KCNA4: variants seen among roughly 807,000 people sequenced by gnomAD.
The protein encoded by KCNA4 is cardiac potassium channel.
A neutral mutation model predicts 37.2 loss-of-function variants in KCNA4; 5 were observed. The ratio of observed to expected loss-of-function variants is 0.13; its 90% CI spans 0.07 to 0.28. The LOEUF is 0.28. KCNA4 is among the 10% of genes least tolerant of loss of function. The pLI, the probability that KCNA4 is intolerant of heterozygous loss-of-function variation, is 1.00. For missense variants in KCNA4, 634 were observed against 817.4 expected (o/e 0.78, Z 2.74); for synonymous variants, 350 against 311.8 (o/e 1.12, Z -1.29).
chr11:30,012,824 T>C lies in KCNA4; in HGVS notation c.-146A>G, dbSNP rs1412886438. 65 of 1,250,382 alleles carry C rather than the reference T, an allele frequency of 5.2e-5. No individual in the cohort carries two copies. Among genetic ancestry groups the C allele is most frequent in the Non-Finnish European group, 6.6e-5 (62 of 932,844 alleles). The allele number at this position is 1,250,382 out of a possible 1,614,324, so 77.5% of individuals were successfully genotyped here. Reference sequence around the variant, plus strand: ...ACTAAGGATATTTTCAGTCCAACTTTGCATTTTCTGTTTTTAAATCAGCAC... The same window carrying C: ...ACTAAGGATATTTTCAGTCCAACTTCGCATTTTCTGTTTTTAAATCAGCAC... On this transcript the variant is annotated 5_prime_UTR_variant, in exon 2 of 2. Transcript: ENST00000328224.
Position 30,011,641 on chromosome 11 carries a change from C to T in KCNA4, c.1038G>A (p.Gly346=). ...RDLVMALSAG[G]HGGLLNDTSA... ...AAGTATCATTCAACAACCCACCATG[C>T]CCGCCAGCACTCAGTGCCATGACGA... is the stretch of plus-strand genomic sequence containing the variant. The change falls in exon 2 of 2, where the codon GGG becomes GGA. Residue 346 remains glycine (G), a synonymous_variant. Coordinates refer to ENST00000328224, the MANE Select transcript of KCNA4 (RefSeq NM_002233.4). The surrounding 1 kb of genome is among the most constrained non-coding windows in gnomAD (Gnocchi z 5.6). 2 of 1,614,030 alleles carry T rather than the reference C, an allele frequency of 1.2e-6. No homozygotes were observed. Among genetic ancestry groups the T allele is most frequent in the Non-Finnish European group, 1.7e-6 (2 of 1,179,992 alleles).
At position 30,016,667 on chromosome 11, in the gene KCNA4, G is replaced by T; in HGVS notation, c.-878C>A. 1 of 274,650 alleles carries T rather than the reference G, an allele frequency of 3.6e-6. No individual in the cohort carries two copies. Among genetic ancestry groups the T allele is most frequent in the Non-Finnish European group, 6.5e-6 (1 of 154,030 alleles). 17.0% of individuals were successfully genotyped at this position (274,650 alleles called of 1,614,324 possible). On this transcript the variant is annotated 5_prime_UTR_variant, in exon 1 of 2. Coordinates refer to ENST00000328224, the MANE Select transcript of KCNA4 (RefSeq NM_002233.4). ...GCAACAGCTGGAGGAGGGGAAGAAT[G>T]ATCCTGGGTGGGGGGCGGGGGGTGG...
Position 30,016,854 on chromosome 11 carries a change from G to T in KCNA4, c.-1065C>A, listed in dbSNP as rs1850357486. On this transcript the variant is annotated 5_prime_UTR_variant, in exon 1 of 2. Coordinates refer to ENST00000328224, the MANE Select transcript of KCNA4 (RefSeq NM_002233.4). ...CCCCAAGACTCCTGGTTCCTCTGGA[G>T]TTCAGCACAGGAGGGATTGCCTGGG... is the stretch of plus-strand genomic sequence containing the variant. 4 of 397,934 alleles carry T rather than the reference G, an allele frequency of 1.0e-5. No homozygotes were observed. The highest frequency in any genetic ancestry group is 1.8e-5 in the Non-Finnish European group (4 of 225,780). 24.7% of individuals were successfully genotyped at this position (397,934 alleles called of 1,614,324 possible).
chr11:30,011,038 C>T lies in KCNA4; in HGVS notation c.1641G>A (p.Ala547=), dbSNP rs368797575. 68 of 1,614,048 alleles carry T rather than the reference C, an allele frequency of 4.2e-5. No individual in the cohort carries two copies. The highest frequency in any genetic ancestry group is 2.2e-4 in the East Asian group (10 of 44,896). Residue 547 remains alanine (A), a synonymous_variant, in exon 2 of 2, where the codon GCG becomes GCA. Transcript: ENST00000328224. The surrounding 1 kb of genome is among the most constrained non-coding windows in gnomAD (Gnocchi z 5.6). ...GKIVGSLCAI[A]GVLTIALPVP... is the part of the protein sequence containing the mutation. ...CTGGCAAAGCAATGGTTAAGACACC[C>T]GCAATGGCACACAGGGACCCGACAA...
At chr11:30,013,746 C>T (rs187758714) in intron 1 of KCNA4, among the ~76,000 whole-genome samples, 166 of 152,302 alleles carry the variant, frequency 1.1e-3, no homozygotes, top group African/African-American at 3.8e-3. Flanking sequence ...CTTCTATCTT[C>T]CCCTTCACCA....
At position 30,010,596 on chromosome 11, in the gene KCNA4, TTAAA is replaced by T. The variant is rs1207817458; in HGVS notation, c.*117_*120del. The T allele has an allele frequency of 2.4e-5, 33 of 1,393,762 alleles. No homozygotes were observed. Among genetic ancestry groups the T allele is most frequent in the Non-Finnish European group, 3.1e-5 (32 of 1,048,550 alleles). The allele number at this position is 1,393,762 out of a possible 1,614,324, so 86.3% of individuals were successfully genotyped here. A position where few individuals can be genotyped will look rare whatever the true frequency, so the allele number is the denominator to read the frequency against. ...GTAACAATTATGCCATGTATAACCATTAAATAGTGTACTACTGTATGCATTGGAT... is the reference window on the plus strand; with the variant it reads ...GTAACAATTATGCCATGTATAACCATTAGTGTACTACTGTATGCATTGGAT... On this transcript the variant is annotated 3_prime_UTR_variant, in exon 2 of 2. Coordinates refer to ENST00000328224, the MANE Select transcript of KCNA4 (RefSeq NM_002233.4).
At chr11:30,015,248 G>A (rs1209504179) in intron 1 of KCNA4, among the ~76,000 whole-genome samples, 1 of 152,036 alleles carries the variant, frequency 6.6e-6, no homozygotes, top group Non-Finnish European at 1.5e-5. Context: ...AACCATCCTG[G>A]GGTGACATTC....
intron 1 of KCNA4, 38 bp downstream of exon 1, chr11:30,016,534 C>CAAAAAA (rs139673634): frequency 1.1e-4 from 7 of 62,326 alleles, no homozygotes; most frequent in Admixed American, 1.8e-4. Flanking sequence ...AGGAAAGATA[C>CAAAAAA]AAAAAAAAAA....
rs776650171 is a variant in KCNA4 at position 30,011,044 on chromosome 11, G to A, written c.1635C>T (p.Ala545=). The A allele has an allele frequency of 6.2e-7, 1 of 1,614,182 alleles. No homozygotes were observed. Among genetic ancestry groups the A allele is most frequent in the Non-Finnish European group, 8.5e-7 (1 of 1,180,042 alleles). ...AAGCAATGGTTAAGACACCCGCAATGGCACACAGGGACCCGACAATCTTGC... is the reference window on the plus strand; with the variant it reads ...AAGCAATGGTTAAGACACCCGCAATAGCACACAGGGACCCGACAATCTTGC... ...VGGKIVGSLC[A]IAGVLTIALP... Residue 545 remains alanine, a synonymous_variant, in exon 2 of 2, where the codon GCC becomes GCT. Transcript: ENST00000328224. The surrounding 1 kb of genome is among the most constrained non-coding windows in gnomAD (Gnocchi z 5.6).
rs775973259 is a variant in KCNA4 at position 30,011,575 on chromosome 11, A to G, written c.1104T>C (p.Asn368=). Residue 368 remains asparagine (N), a synonymous_variant, in exon 2 of 2, where the codon AAT becomes AAC. Transcript: ENST00000328224. The surrounding 1 kb of genome is among the most constrained non-coding windows in gnomAD (Gnocchi z 5.6). ...CTGTTTCCACGATGAAGAAGGGGTC[A>G]TTGAATATTGTGTGCCCTGAGTTCT... is the stretch of plus-strand genomic sequence containing the variant. ...HLENSGHTIF[N]DPFFIVETVC... is the part of the protein sequence containing the mutation. 6 of 1,614,056 alleles carry G rather than the reference A, an allele frequency of 3.7e-6. No homozygotes were observed. The African/African-American group carries it at 5.3e-5, about 14-fold the overall frequency.
At chr11:30,014,181 C>A (rs1472257525) in intron 1 of KCNA4, among the ~76,000 whole-genome samples, 1 of 152,128 alleles carries the variant, frequency 6.6e-6, no homozygotes, top group Non-Finnish European at 1.5e-5. Context: ...ATCTACACAG[C>A]CCCAAGTGTT....
chr11:30,014,114 G>T (rs1850330812), intron 1 of KCNA4, among the ~76,000 whole-genome samples: 1 of 152,072 alleles, frequency 6.6e-6, no homozygotes, highest in South Asian at 2.1e-4. Flanking sequence ...CCTAATGAAT[G>T]GCAATAAACA....
rs367665675 is a variant in KCNA4, at chr11:30,012,718, G to A, written c.-40C>T. 8 of 1,509,044 alleles carry A rather than the reference G, an allele frequency of 5.3e-6. No homozygotes were observed. In the South Asian group the frequency reaches 8.1e-5, roughly 15 times the overall value. 93.5% of individuals were successfully genotyped at this position (1,509,044 alleles called of 1,614,324 possible). A position where few individuals can be genotyped will look rare whatever the true frequency, so the allele number is the denominator to read the frequency against. On this transcript the variant is annotated 5_prime_UTR_variant, in exon 2 of 2. Coordinates refer to ENST00000328224, the MANE Select transcript of KCNA4 (RefSeq NM_002233.4). ...GAAATGGCTGGTTCCAGTTGTAGAA[G>A]AAGAAGAAAGAAAAATAGGGCAGCT... is the stretch of plus-strand genomic sequence containing the variant.
intron 1 of KCNA4, 132 bp from the exon 2 acceptor site, chr11:30,013,592 C>A (rs1181745056): frequency 6.6e-6 from 1 of 152,408 alleles, no homozygotes; most frequent in Non-Finnish European, 1.5e-5. Context: ...ACACCAAGCA[C>A]CAATATTTTC....
rs773947520 is a variant in KCNA4, at chr11:30,012,631, G to A, written c.48C>T (p.His16=). 1.3e-6 allele frequency: 2 copies of A among 1,599,346 alleles called. No individual in the cohort carries two copies. Among genetic ancestry groups the A allele is most frequent in the Non-Finnish European group, 1.7e-6 (2 of 1,172,158 alleles). ...VSAESSGCNS[H]MPYGYAAQAR... ...CCTGGGCAGCATAACCATAAGGCAT[G>A]TGACTGTTGCACCCTGAGCTCTCCG... Residue 16 remains histidine (H), a synonymous_variant, in exon 2 of 2, where the codon CAC becomes CAT. Coordinates refer to ENST00000328224, the MANE Select transcript of KCNA4 (RefSeq NM_002233.4).
Position 30,012,307 on chromosome 11 carries a change from C to G in KCNA4, c.372G>C (p.Glu124Asp). The G allele has an allele frequency of 1.9e-6, 3 of 1,614,038 alleles. No homozygotes were observed. The highest frequency in any genetic ancestry group is 1.7e-6 in the Non-Finnish European group (2 of 1,179,970). The change falls in exon 2 of 2, where the codon GAG becomes GAC. Residue 124 changes from glutamate to aspartate, a missense_variant. By Grantham distance (45) the Glu-to-Asp change is conservative. Coordinates refer to ENST00000328224, the MANE Select transcript of KCNA4 (RefSeq NM_002233.4). ...CTTCCTCCTCCTCCTCATCTTCCTC[C>G]TCCTCACTCAGCTCCCTCAGGATCT... is the stretch of plus-strand genomic sequence containing the variant. ...EEKILRELSE[E>D]EEDEEEEEEE...
chr11:30,016,183 G>T (rs1850348727), intron 1 of KCNA4, among the ~76,000 whole-genome samples: 1 of 152,014 alleles, frequency 6.6e-6, no homozygotes, highest in Non-Finnish European at 1.5e-5. Context: ...CCCGTTCACC[G>T]GCTGTTCCCA....
Position 30,012,534 on chromosome 11 carries a change from C to G in KCNA4, c.145G>C (p.Ala49Pro). Residue 49 changes from alanine (A) to proline (P), a missense_variant, in exon 2 of 2, where the codon GCT becomes CCT. Coordinates refer to ENST00000328224, the MANE Select transcript of KCNA4 (RefSeq NM_002233.4). ...GAACCCCCGCTACCTTCGACAGCAG[C>G]TGTGGCCGCTGCAACAGCAGCTGCT... is the stretch of plus-strand genomic sequence containing the variant. ...AAAAAVAAAT[A>P]AVEGSGGSGG... 1.2e-6 allele frequency: 2 copies of G among 1,608,328 alleles called. No individual in the cohort carries two copies. The highest frequency in any genetic ancestry group is 1.1e-5 in the South Asian group (1 of 91,058).
At chr11:30,016,240 T>C (rs1850349209) in intron 1 of KCNA4, 1 of 151,888 alleles carries the variant, frequency 6.6e-6, no homozygotes, top group South Asian at 2.1e-4. Flanking sequence ...CGATGCTAAA[T>C]CTTAACCCCC....
Sources: allele counts gnomAD v4.1 joint callset (sites outside exome capture counted in the v4.1 genomes callset), GRCh38; gene constraint gnomAD v4.1.1; non-coding constraint Gnocchi (gnomAD v3.1); transcripts MANE v1.5; gene names NCBI Gene and HGNC (gene_info 2026-07-23, HGNC 2026-07-21).